ICA1L: variants seen among roughly 807,000 people sequenced by gnomAD.
The protein encoded by ICA1L is islet cell autoantigen 1-like protein.
Under a neutral mutation model 61.3 loss-of-function variants are expected in ICA1L, and 50 were observed. That is an observed-to-expected ratio of 0.82 (90% confidence interval 0.65 to 1.03). ICA1L has a LOEUF of 1.03. ICA1L is among the 50% of genes least tolerant of loss of function. ICA1L has a pLI of 0.00. For synonymous variants in ICA1L, 161 were observed against 191.3 expected (o/e 0.84, Z 1.31); for missense variants, 508 against 556.7 (o/e 0.91, Z 0.88).
chr2:202,818,860 ATTC>A (rs2105849879), intron 5 of ICA1L, among the ~76,000 whole-genome samples: 1 of 152,358 alleles, frequency 6.6e-6, no homozygotes, highest in Non-Finnish European at 1.5e-5. Flanking sequence ...CTAATACATT[ATTC>A]TTCTTTTAAA....
chr2:202,845,597 A>C (rs1432090807), intron 1 of ICA1L, among the ~76,000 whole-genome samples: 1 of 151,818 alleles, frequency 6.6e-6, no homozygotes, highest in Non-Finnish European at 1.5e-5. Flanking sequence ...ATTGCACTCA[A>C]GCCTGGGCAA....
At position 202,819,713 on chromosome 2, in the gene ICA1L, TTC is replaced by T. The variant is rs571909043; in HGVS notation, c.544_545del (p.Glu182LysfsTer3). 44 of 1,613,636 alleles carry T rather than the reference TTC, an allele frequency of 2.7e-5. No homozygotes were observed. The South Asian group carries it at 4.6e-4, about 17-fold the overall frequency. Reference sequence around the variant, plus strand: ...TACGTTTTCATACTTTTCTAAACTTTTCCATTTGCTTTAAGGTGTCTGGGTCC... The same window carrying T: ...TACGTTTTCATACTTTTCTAAACTTTCATTTGCTTTAAGGTGTCTGGGTCC... ...ELDPDTLKQMEKFRKVQMQVR... is the reference protein window; with the variant it reads ...ELDPDTLKQMXKFRKVQMQVR... On this transcript the variant is annotated frameshift_variant, in exon 5 of 13. Coordinates refer to ENST00000358299, the MANE Select transcript of ICA1L (RefSeq NM_001288622.3). LOFTEE classifies it high-confidence loss of function.
At chr2:202,792,387 G>A (rs1435790621) in intron 10 of ICA1L, among the ~76,000 whole-genome samples, 1 of 152,152 alleles carries the variant, frequency 6.6e-6, no homozygotes, top group African/African-American at 2.4e-5. Context: ...AGAAGTACAT[G>A]AATGTTCAGT....
At position 202,814,790 on chromosome 2, in the gene ICA1L, G is replaced by C. The variant is rs1335351040; in HGVS notation, c.784-6C>G. On this transcript the variant is annotated splice_region_variant and splice_polypyrimidine_tract_variant and intron_variant, in intron 7 of 12. Coordinates refer to ENST00000358299, the MANE Select transcript of ICA1L (RefSeq NM_001288622.3). ...CTTGGCGTGTCTTGTAGTTGCTAAA[G>C]ATAAGAAAGTCAATGTTAAGTATAT... 1 of 1,593,026 alleles carries C rather than the reference G, an allele frequency of 6.3e-7. No homozygotes were observed. Among genetic ancestry groups the C allele is most frequent in the Admixed American group, 1.7e-5 (1 of 59,774 alleles).
chr2:202,796,252 G>C (rs1004045846), intron 10 of ICA1L, among the ~76,000 whole-genome samples: 2 of 152,042 alleles, frequency 1.3e-5, no homozygotes, highest in African/African-American at 4.8e-5. Flanking sequence ...CTAAAGTCCA[G>C]ATCCAATAAA....
intron 1 of ICA1L, among the ~76,000 whole-genome samples, chr2:202,858,707 T>C (rs1282869995): frequency 7.9e-5 from 12 of 152,340 alleles, no homozygotes; most frequent in East Asian, 5.8e-4. Context: ...AGTGATGTCA[T>C]AGCCATGGTT....
rs368573390 is a variant in ICA1L, at chr2:202,796,997, C to T, written c.911-33G>A. On this transcript the variant is annotated intron_variant, in intron 9 of 12. Transcript: ENST00000358299. ...AAAAGCACATAAAAGAGAAGTTGAA[C>T]AAGAAGAAATTCAGCAAGCTTATTT... The T allele has an allele frequency of 4.1e-6, 6 of 1,452,522 alleles. No homozygotes were observed. In the African/African-American group the frequency reaches 8.5e-5, roughly 20 times the overall value. 90.0% of individuals were successfully genotyped at this position (1,452,522 alleles called of 1,614,324 possible). A position where few individuals can be genotyped will look rare whatever the true frequency, so the allele number is the denominator to read the frequency against.
At chr2:202,847,432 C>G (rs532441843) in intron 1 of ICA1L, among the ~76,000 whole-genome samples, 5 of 152,176 alleles carry the variant, frequency 3.3e-5, no homozygotes, top group African/African-American at 1.2e-4. Context: ...TTGTTTCAAG[C>G]TTGGGTCTCT....
chr2:202,855,513 G>A (rs907624786), intron 1 of ICA1L, among the ~76,000 whole-genome samples: 4 of 152,106 alleles, frequency 2.6e-5, no homozygotes, highest in Non-Finnish European at 5.9e-5. Flanking sequence ...ACACCTCTAT[G>A]GAAATAAACT....
At chr2:202,862,818 C>T (rs2105890681) in intron 1 of ICA1L, among the ~76,000 whole-genome samples, 2 of 149,610 alleles carry the variant, frequency 1.3e-5, no homozygotes, top group South Asian at 2.1e-4. Flanking sequence ...GCGTAGGCAA[C>T]AAGAGTGAGA....
chr2:202,811,895 CAT>C, intron 8 of ICA1L, 106 bp from the exon 9 acceptor site: 1 of 788,098 alleles, frequency 1.3e-6, no homozygotes, highest in Non-Finnish European at 2.2e-6. Context: ...ACTCAGGAAA[CAT>C]AAAATCATTG....
At chr2:202,817,278 TCTGA>T (rs766708810) in intron 6 of ICA1L, 136 bp downstream of exon 6, 65 of 685,962 alleles carry the variant, frequency 9.5e-5, no homozygotes, top group Non-Finnish European at 1.3e-4. Flanking sequence ...TTTTTGACTC[TCTGA>T]CTTTCATAAC....
chr2:202,822,191 T>C (rs1693721419), intron 3 of ICA1L, among the ~76,000 whole-genome samples: 1 of 152,236 alleles, frequency 6.6e-6, no homozygotes, highest in African/African-American at 2.4e-5. Context: ...AGATGGGATC[T>C]TGCTTTGACA....
chr2:202,788,095 T>C (rs988216252), intron 11 of ICA1L, among the ~76,000 whole-genome samples: 2 of 152,182 alleles, frequency 1.3e-5, no homozygotes, highest in Admixed American at 6.5e-5. Context: ...TGGGTGGAAA[T>C]GCGACATAGG....
rs748460305 is a variant in ICA1L, at chr2:202,821,450, G to C, written c.267C>G (p.Leu89=). 20 of 1,612,050 alleles carry C rather than the reference G, an allele frequency of 1.2e-5. No individual in the cohort carries two copies. Among genetic ancestry groups the C allele is most frequent in the African/African-American group, 2.7e-5 (2 of 74,778 alleles). The part of the protein sequence containing the change: ...VISEEENELG[L]FLKFQAERDA... ...CCCGTTCTGCTTGAAATTTTAAAAA[G>C]AGCCCTAGCTCATTTTCTTCCTCTG... The change falls in exon 4 of 13, where the codon CTC becomes CTG. Residue 89 remains leucine, a synonymous_variant. Coordinates refer to ENST00000358299, the MANE Select transcript of ICA1L (RefSeq NM_001288622.3).
intron 1 of ICA1L, among the ~76,000 whole-genome samples, chr2:202,842,002 C>A (rs894990483): frequency 6.6e-6 from 1 of 152,014 alleles, no homozygotes; most frequent in African/African-American, 2.4e-5. Flanking sequence ...AGGCACCTAC[C>A]ACCAGGCCCA....
At chr2:202,861,990 C>T (rs555488931) in intron 1 of ICA1L, among the ~76,000 whole-genome samples, 104 of 129,250 alleles carry the variant, frequency 8.0e-4, no homozygotes, top group Middle Eastern at 5.8e-3. Context: ...ACCTAATTGA[C>T]ATTTATACAC....
chr2:202,795,857 C>G (rs1419313879), intron 10 of ICA1L, among the ~76,000 whole-genome samples: 1 of 151,814 alleles, frequency 6.6e-6, no homozygotes, highest in Non-Finnish European at 1.5e-5. Flanking sequence ...AGCCTGGCCA[C>G]ATGATGAAAC....
chr2:202,844,757 G>T (rs1221726607), intron 1 of ICA1L, among the ~76,000 whole-genome samples: 1 of 152,180 alleles, frequency 6.6e-6, no homozygotes, highest in African/African-American at 2.4e-5. Context: ...GAATGAGAAA[G>T]ATATATTCCC....
Sources: allele counts gnomAD v4.1 joint callset (sites outside exome capture counted in the v4.1 genomes callset), GRCh38; gene constraint gnomAD v4.1.1; transcripts MANE v1.5; gene names NCBI Gene and HGNC (gene_info 2026-07-23, HGNC 2026-07-21).